Variants in SPANXN2 observed in about 807,000 individuals in gnomAD.
The protein encoded by SPANXN2 is sperm protein associated with the nucleus on the X chromosome N2.
Under a neutral mutation model 2.0 loss-of-function variants are expected in SPANXN2, and 1 was observed. The observed-to-expected ratio is 0.50, with a 90% CI of 0.18 to 2.36. The LOEUF (loss-of-function observed/expected upper bound fraction) is 2.36, where lower values mean the gene tolerates loss of function less well. Among genes scored for constraint, SPANXN2 ranks in the 30% most tolerant of loss-of-function variants. The pLI is 0.26. For synonymous variants in SPANXN2, 43 were observed against 49.8 expected, an observed-to-expected ratio of 0.86 and a Z score of 0.58; for missense variants, 88 against 116.7, an observed-to-expected ratio of 0.75 and a Z score of 1.13.
At chrX:143,714,086 G>A (rs372409881) in intron 1 of SPANXN2, among the ~76,000 whole-genome samples, 1 of 108,974 alleles carries the variant, frequency 9.2e-6, no homozygotes, top group Non-Finnish European at 1.9e-5. Flanking sequence ...CTTCTCCTTC[G>A]GATCCGGCTC....
At chrX:143,718,709 T>C (rs1225305702) in intron 1 of SPANXN2, among the ~76,000 whole-genome samples, 2 of 111,728 alleles carry the variant, frequency 1.8e-5, no homozygotes, top group Non-Finnish European at 3.8e-5. Flanking sequence ...TTTTGTCTCC[T>C]ACTTTATTTC....
chrX:143,714,039 C>T (rs1293319945), intron 1 of SPANXN2, among the ~76,000 whole-genome samples: 2 of 108,883 alleles, frequency 1.8e-5, no homozygotes, highest in African/African-American at 3.4e-5. Flanking sequence ...CCAACACACC[C>T]GTTCTTCAGC....
rs1170904798 is a variant in SPANXN2, at chrX:143,712,289, G to A, written c.289C>T (p.Gln97Ter). 3.3e-6 allele frequency: 4 copies of A among 1,210,266 alleles called. No homozygotes were observed. The African/African-American group carries it at 7.0e-5, about 21-fold the overall frequency. Residue 97 changes from glutamine (Q) to a stop codon, truncating the protein, a stop_gained, in exon 2 of 2, where the codon CAG becomes TAG. Transcript: ENST00000598475. LOFTEE classifies it low-confidence loss of function (END_TRUNC). ...GATGAGTCCAGGTCTTCGTCCTCCTGTGAAGATCCTTCAGCTGAGTCTAGG... is the reference window on the plus strand; with the variant it reads ...GATGAGTCCAGGTCTTCGTCCTCCTATGAAGATCCTTCAGCTGAGTCTAGG...
At chrX:143,713,710 G>A (rs1556448967) in intron 1 of SPANXN2, among the ~76,000 whole-genome samples, 1 of 111,021 alleles carries the variant, frequency 9.0e-6, no homozygotes, top group African/African-American at 3.3e-5. Flanking sequence ...CTCACCCCTG[G>A]GGTACTCACT....
exon 2 of SPANXN2, chrX:143,712,434 T>G (rs782490188): frequency 2.5e-6 from 3 of 1,212,250 alleles, no homozygotes; most frequent in Non-Finnish European, 3.3e-6. Flanking sequence ...TTGTTAGATA[T>G]TCTATTGTTT....
exon 2 of SPANXN2, chrX:143,712,041 C>T: frequency 1.6e-6 from 2 of 1,212,220 alleles, no homozygotes; most frequent in South Asian, 3.5e-5. Context: ...TTGACTAGTC[C>T]TCCCCACCCT....
At chrX:143,719,033 C>T (rs1433525496) in intron 1 of SPANXN2, among the ~76,000 whole-genome samples, 1 of 111,325 alleles carries the variant, frequency 9.0e-6, no homozygotes, top group East Asian at 2.8e-4. Context: ...CCACATGAAC[C>T]CTGTCCAAAA....
At chrX:143,719,881 T>C (rs1446496626) in intron 1 of SPANXN2, among the ~76,000 whole-genome samples, 5 of 109,934 alleles carry the variant, frequency 4.5e-5, no homozygotes, top group Non-Finnish European at 7.6e-5. Flanking sequence ...ATTTGGCCGA[T>C]GTATACTCAC....
chrX:143,713,242 C>A (rs1932198657), intron 1 of SPANXN2, among the ~76,000 whole-genome samples: 1 of 111,744 alleles, frequency 8.9e-6, no homozygotes. Flanking sequence ...GCTTCCAGAT[C>A]CTGAGTGTAC....
At chrX:143,713,027 A>G (rs1556448788) in intron 1 of SPANXN2, among the ~76,000 whole-genome samples, 1 of 111,442 alleles carries the variant, frequency 9.0e-6, no homozygotes, top group African/African-American at 3.3e-5. Context: ...CTCTGGCATT[A>G]AGCTTGTCCT....
chrX:143,712,328 C>T (rs782731457), exon 2 of SPANXN2: 1 of 1,211,311 alleles, frequency 8.3e-7, no homozygotes, highest in African/African-American at 1.7e-5. Flanking sequence ...TCGTCCTCCT[C>T]CTCTTGGACT....
At chrX:143,715,839 T>C (rs1932252016) in intron 1 of SPANXN2, among the ~76,000 whole-genome samples, 3 of 111,324 alleles carry the variant, frequency 2.7e-5, no homozygotes, top group Non-Finnish European at 3.8e-5. Flanking sequence ...CTAGTGGTCC[T>C]CAACCAATAT....
chrX:143,715,477 T>C (rs1330524532), intron 1 of SPANXN2, among the ~76,000 whole-genome samples: 4 of 110,243 alleles, frequency 3.6e-5, no homozygotes, highest in Admixed American at 9.7e-5. Flanking sequence ...TATTTTACTC[T>C]GACACCCAAA....
In SPANXN2 at chrX:143,713,892, ACTCTCT is replaced by A. The variant is rs58045166; in HGVS notation, c.79-1399_79-1394del. On this transcript the variant is annotated intron_variant, in intron 1 of 1. Transcript: ENST00000598475. ...CTTTGCTTATCTCCTTTCATGCCTC[ACTCTCT>A]CTCTCTCTCTCTCTCTCTCTCTCTC... Among the ~76,000 whole-genome samples, 557 of 87,477 alleles carry A rather than the reference ACTCTCT, an allele frequency of 6.4e-3. 4 individuals carry two copies. The highest frequency in any genetic ancestry group is 0.015 in the African/African-American group (352 of 22,997). 76.0% of individuals were successfully genotyped at this position (87,477 alleles called of 115,157 possible).
Position 143,717,819 on chromosome X carries a change from G to A in SPANXN2, c.78+2772C>T, listed in dbSNP as rs187197864. On this transcript the variant is annotated intron_variant, in intron 1 of 1. Coordinates refer to ENST00000598475, the Ensembl canonical transcript of SPANXN2. Reference sequence around the variant, plus strand: ...GAGGACACTTACTAGGGCAGGACTAGCAAATCAACATCACTCACATGCTCC... The same window carrying A: ...GAGGACACTTACTAGGGCAGGACTAACAAATCAACATCACTCACATGCTCC... Among the ~76,000 whole-genome samples, 56 of 111,832 alleles carry A rather than the reference G, an allele frequency of 5.0e-4. No homozygotes were observed. The South Asian group carries it at 5.6e-3, about 11-fold the overall frequency.
chrX:143,720,708 T>C, exon 1 of SPANXN2: 1 of 1,186,004 alleles, frequency 8.4e-7, no homozygotes, highest in Non-Finnish European at 1.1e-6. Context: ...TAGGCTCTTG[T>C]AGACTGCAGA....
intron 1 of SPANXN2, among the ~76,000 whole-genome samples, chrX:143,718,397 C>A (rs1932305963): frequency 9.0e-6 from 1 of 111,524 alleles, no homozygotes; most frequent in African/African-American, 3.3e-5. Context: ...TCCTCCCTGT[C>A]CCTACAACCA....
intron 1 of SPANXN2, among the ~76,000 whole-genome samples, chrX:143,713,475 C>T (rs1159231825): frequency 2.7e-5 from 3 of 111,470 alleles, no homozygotes; most frequent in South Asian, 3.8e-4. Context: ...TATTTCTGCC[C>T]GTTCTCCAAA....
intron 1 of SPANXN2, among the ~76,000 whole-genome samples, chrX:143,712,819 G>A (rs1932191100): frequency 8.9e-6 from 1 of 111,780 alleles, no homozygotes. Context: ...GCGGACAAAG[G>A]CCCAACTAAA....
Sources: allele counts gnomAD v4.1 joint callset (sites outside exome capture counted in the v4.1 genomes callset), GRCh38; gene constraint gnomAD v4.1.1; transcripts MANE v1.5; gene names NCBI Gene and HGNC (gene_info 2026-07-23, HGNC 2026-07-21).